Variants in CHCHD3 observed in about 807,000 individuals in gnomAD.
The protein encoded by CHCHD3 is coiled-coil-helix-coiled-coil-helix domain containing 3.
A neutral mutation model predicts 38.2 loss-of-function variants in CHCHD3; 20 were observed. The observed-to-expected ratio is 0.52, with a 90% CI of 0.37 to 0.76. CHCHD3 has a LOEUF of 0.76. Among genes scored for constraint, CHCHD3 ranks in the 30% least tolerant of loss-of-function variants. CHCHD3 has a pLI of 0.00. For synonymous variants in CHCHD3, 82 were observed against 100.0 expected, an observed-to-expected ratio of 0.82 and a Z score of 1.07; for missense variants, 245 against 279.2, an observed-to-expected ratio of 0.88 and a Z score of 0.87.
At chr7:132,872,086 A>AG (rs1321647163) in intron 5 of CHCHD3, among the ~76,000 whole-genome samples, 1 of 152,296 alleles carries the variant, frequency 6.6e-6, no homozygotes, top group East Asian at 1.9e-4. Flanking sequence ...GGCTGGCTTG[A>AG]GGGTAGTTAA....
At chr7:132,868,067 A>C (rs1223435034) in intron 5 of CHCHD3, among the ~76,000 whole-genome samples, 1 of 152,228 alleles carries the variant, frequency 6.6e-6, no homozygotes. Context: ...TATAATGCCC[A>C]TAATTTTATA....
intron 4 of CHCHD3, among the ~76,000 whole-genome samples, chr7:132,898,117 GGTGA>G (rs1809551878): frequency 1.3e-5 from 2 of 152,126 alleles, no homozygotes; most frequent in Non-Finnish European, 2.9e-5. Flanking sequence ...AGACCTTCGC[GGTGA>G]GTGTTACAGC....
intron 5 of CHCHD3, among the ~76,000 whole-genome samples, chr7:132,865,711 T>C (rs1416467903): frequency 3.9e-5 from 6 of 152,046 alleles, no homozygotes; most frequent in African/African-American, 1.4e-4. Flanking sequence ...GAAGAGAGCT[T>C]CCTGCTTCTA....
intron 6 of CHCHD3, among the ~76,000 whole-genome samples, chr7:132,808,260 T>C (rs575717288): frequency 1.3e-5 from 2 of 152,316 alleles, no homozygotes; most frequent in East Asian, 3.9e-4. Context: ...GGAAGCTTTC[T>C]CTATTCATGA....
At chr7:132,990,604 AAC>A (rs111995360) in intron 3 of CHCHD3, among the ~76,000 whole-genome samples, 1 of 152,178 alleles carries the variant, frequency 6.6e-6, no homozygotes, top group Non-Finnish European at 1.5e-5. Context: ...GCTATGAAAT[AAC>A]ATGAGAATCT....
intron 6 of CHCHD3, among the ~76,000 whole-genome samples, chr7:132,823,505 G>A (rs957236571): frequency 3.3e-5 from 5 of 152,154 alleles, no homozygotes; most frequent in African/African-American, 1.2e-4. Flanking sequence ...GATAAGGGGG[G>A]CCACCTGTAT....
In CHCHD3 at chr7:132,796,559, T is replaced by G; in HGVS notation, c.543A>C (p.Pro181=). The G allele has an allele frequency of 6.2e-7, 1 of 1,613,760 alleles. No individual in the cohort carries two copies. Among genetic ancestry groups the G allele is most frequent in the South Asian group, 1.1e-5 (1 of 91,060 alleles). Residue 181 remains proline (P), a synonymous_variant, in exon 7 of 8, where the codon CCA becomes CCC. Coordinates refer to ENST00000262570, the MANE Select transcript of CHCHD3 (RefSeq NM_017812.4). ...EAKFKRYESH[P]VCADLQAKIL... The stretch of plus-strand genomic sequence containing the variant: ...TTTTGGCCTGCAGATCAGCACAGAC[T>G]GGATGAGACTCATATCGCCTGAAAA...
intron 6 of CHCHD3, among the ~76,000 whole-genome samples, chr7:132,811,488 T>G (rs1264740291): frequency 6.6e-6 from 1 of 152,246 alleles, no homozygotes; most frequent in African/African-American, 2.4e-5. Flanking sequence ...GCTACCATGT[T>G]GTTGGAAGCA....
chr7:132,993,531 C>T (rs902065357), intron 3 of CHCHD3, among the ~76,000 whole-genome samples: 5 of 152,194 alleles, frequency 3.3e-5, no homozygotes, highest in African/African-American at 7.2e-5. Flanking sequence ...CCTACTGTGC[C>T]CCATAGATGA....
At chr7:132,865,714 T>C (rs975124065) in intron 5 of CHCHD3, among the ~76,000 whole-genome samples, 2 of 152,308 alleles carry the variant, frequency 1.3e-5, no homozygotes, top group Admixed American at 6.5e-5. Context: ...GAGAGCTTCC[T>C]GCTTCTAACG....
intron 2 of CHCHD3, among the ~76,000 whole-genome samples, chr7:133,057,720 G>C (rs1017078595): frequency 1.3e-5 from 2 of 152,114 alleles, no homozygotes; most frequent in Non-Finnish European, 2.9e-5. Context: ...TAGTGCCTAT[G>C]TCAGTAGAGG....
At chr7:132,786,996 A>C (rs1806337295) in intron 7 of CHCHD3, among the ~76,000 whole-genome samples, 1 of 152,190 alleles carries the variant, frequency 6.6e-6, no homozygotes, top group Non-Finnish European at 1.5e-5. Flanking sequence ...TGGAGCGAGC[A>C]GGGAAGGCTT....
intron 6 of CHCHD3, among the ~76,000 whole-genome samples, chr7:132,812,200 C>CTTTTCTTTTTT (rs1554495564): frequency 6.2e-5 from 5 of 81,056 alleles, no homozygotes; most frequent in Non-Finnish European, 7.3e-5. Flanking sequence ...TTTTTCTTTT[C>CTTTTCTTTTTT]TTTTTTTTTT....
At chr7:132,945,084 C>T (rs901098667) in intron 4 of CHCHD3, among the ~76,000 whole-genome samples, 10 of 151,792 alleles carry the variant, frequency 6.6e-5, no homozygotes, top group Non-Finnish European at 7.4e-5. Context: ...TTCCCTTCTA[C>T]TTTTTTCTCT....
intron 6 of CHCHD3, among the ~76,000 whole-genome samples, chr7:132,800,908 G>A (rs1806776014): frequency 6.6e-6 from 1 of 152,062 alleles, no homozygotes; most frequent in African/African-American, 2.4e-5. Flanking sequence ...ATGGGATCAG[G>A]TGGTCTCATA....
At chr7:132,990,618 A>G (rs1037127190) in intron 3 of CHCHD3, among the ~76,000 whole-genome samples, 1 of 152,198 alleles carries the variant, frequency 6.6e-6, no homozygotes, top group Admixed American at 6.5e-5. Flanking sequence ...TGAGAATCTC[A>G]GTACACTTCT....
At chr7:132,792,532 G>A (rs1022892007) in intron 7 of CHCHD3, among the ~76,000 whole-genome samples, 9 of 152,180 alleles carry the variant, frequency 5.9e-5, no homozygotes, top group Non-Finnish European at 8.8e-5. Flanking sequence ...AAGGTGGACA[G>A]CAAAATTTAA....
intron 5 of CHCHD3, among the ~76,000 whole-genome samples, chr7:132,859,385 C>G (rs1037863137): frequency 5.9e-5 from 9 of 152,088 alleles, no homozygotes; most frequent in African/African-American, 2.2e-4. Context: ...ATATTACAAA[C>G]TGAAACAACA....
intron 2 of CHCHD3, chr7:133,034,508 CTTTTTTTT>C (rs146912120): frequency 1.8e-5 from 5 of 285,190 alleles, no homozygotes; most frequent in South Asian, 6.6e-5. Flanking sequence ...TGGATCCAGT[CTTTTTTTT>C]TTTTTTTTTT....
Sources: allele counts gnomAD v4.1 joint callset (sites outside exome capture counted in the v4.1 genomes callset), GRCh38; gene constraint gnomAD v4.1.1; transcripts MANE v1.5; gene names NCBI Gene and HGNC (gene_info 2026-07-23, HGNC 2026-07-21).